NLRP2: variants seen among roughly 807,000 people sequenced by gnomAD.
The protein encoded by NLRP2 is NACHT, LRR and PYD domains-containing protein 2.
Under a neutral mutation model 97.2 loss-of-function variants are expected in NLRP2, and 107 were observed. That is an observed-to-expected ratio of 1.10 (90% confidence interval 0.94 to 1.29). NLRP2 has a LOEUF of 1.29. Ranked by LOEUF, NLRP2 falls within the 50% of genes most tolerant of loss-of-function variation. NLRP2 has a pLI of 0.00. For missense variants in NLRP2, 1,495 were observed against 1,330.3 expected (o/e 1.12, Z -1.93); for synonymous variants, 663 against 551.5 (o/e 1.20, Z -2.83).
At chr19:54,985,613 G>C (rs1052377926) in intron 7 of NLRP2, among the ~76,000 whole-genome samples, 1 of 148,260 alleles carries the variant, frequency 6.7e-6, no homozygotes, top group Non-Finnish European at 1.5e-5. Flanking sequence ...AGGAGGCGGA[G>C]GTTGCAGTGA....
At chr19:54,989,672 C>A in intron 8 of NLRP2, 1 of 394,376 alleles carries the variant, frequency 2.5e-6, no homozygotes, top group Non-Finnish European at 4.8e-6. Context: ...AAGACGATTC[C>A]ACGGTTAGAT....
intron 4 of NLRP2, 100 bp from the exon 5 acceptor site, chr19:54,981,517 T>TCCCCCC: frequency 3.6e-6 from 1 of 274,194 alleles, no homozygotes; most frequent in Non-Finnish European, 7.6e-6. Flanking sequence ...GTGCCCCCCC[T>TCCCCCC]CCCCCCCGCC....
chr19:54,971,340 A>G (rs1006762701), intron 2 of NLRP2, among the ~76,000 whole-genome samples: 1 of 151,790 alleles, frequency 6.6e-6, no homozygotes, highest in Middle Eastern at 3.2e-3. Flanking sequence ...TATACCCAGT[A>G]ATGGGATGGC....
intron 10 of NLRP2, among the ~76,000 whole-genome samples, chr19:54,992,554 T>TTG (rs2072552094): frequency 8.6e-6 from 1 of 115,668 alleles, no homozygotes; most frequent in African/African-American, 3.3e-5. Flanking sequence ...GGGGGGGGTT[T>TTG]TCTTTTTTTT....
intron 3 of NLRP2, chr19:54,976,924 C>T (rs960712941): frequency 7.6e-6 from 3 of 393,042 alleles, no homozygotes; most frequent in Admixed American, 3.3e-5. Flanking sequence ...AAGCAATTCC[C>T]TTGCCTCAGC....
Position 54,983,702 on chromosome 19 carries a change from G to A in NLRP2, c.2004G>A (p.Ala668=), listed in dbSNP as rs61731654. 5.1e-5 allele frequency: 82 copies of A among 1,612,712 alleles called. No individual in the cohort carries two copies. The highest frequency in any genetic ancestry group is 3.5e-4 in the South Asian group (32 of 91,034). Residue 668 remains alanine, a synonymous_variant, in exon 6 of 13, where the codon GCG becomes GCA. Coordinates refer to ENST00000448584, the MANE Select transcript of NLRP2 (RefSeq NM_017852.5). ...AGAATCTCCCGGAGAATGTCACTGC[G>A]TCTGAATCAGACGCCGAGGTTGAGA... The part of the protein sequence containing the change: ...IKENLPENVT[A]SESDAEVERS...
chr19:54,971,895 C>G (rs2070878839), intron 2 of NLRP2, among the ~76,000 whole-genome samples: 1 of 152,020 alleles, frequency 6.6e-6, no homozygotes, highest in Non-Finnish European at 1.5e-5. Flanking sequence ...GCAGCACGAT[C>G]TCGGCTCACT....
At chr19:54,969,032 T>G (rs1433928697) in intron 1 of NLRP2, among the ~76,000 whole-genome samples, 1 of 152,118 alleles carries the variant, frequency 6.6e-6, no homozygotes, top group Non-Finnish European at 1.5e-5. Flanking sequence ...CAGCCCAGTT[T>G]TCACGAAGTT....
intron 10 of NLRP2, 90 bp from the exon 11 acceptor site, chr19:54,994,179 G>C: frequency 5.8e-6 from 8 of 1,368,118 alleles, no homozygotes; most frequent in Non-Finnish European, 8.4e-6. Flanking sequence ...CTCTAAGTGT[G>C]TCTAACCCAC....
rs1266848624 is a variant in NLRP2 at position 54,986,203 on chromosome 19, C to T, written c.2254C>T (p.Arg752Ter). The stretch of plus-strand genomic sequence containing the variant: ...TCATCGGAACCTCTGCCTAGCTCTT[C>T]GAGGTCACAAGACTGTAACGTATCT... ...DAHRNLCLALRGHKTVTYLTL... is the reference protein window; with the variant it reads ...DAHRNLCLAL The change falls in exon 8 of 13, where the codon CGA (arginine) becomes TGA (stop). Residue 752 changes from arginine (R) to a stop codon, truncating the protein, a stop_gained. Coordinates refer to ENST00000448584, the MANE Select transcript of NLRP2 (RefSeq NM_017852.5). LOFTEE classifies it high-confidence loss of function. 7 of 1,612,984 alleles carry T rather than the reference C, an allele frequency of 4.3e-6. No homozygotes were observed. The highest frequency in any genetic ancestry group is 3.3e-5 in the Admixed American group (2 of 59,978).
intron 4 of NLRP2, among the ~76,000 whole-genome samples, chr19:54,980,511 T>C (rs1233883797): frequency 1.3e-5 from 2 of 152,304 alleles, no homozygotes; most frequent in East Asian, 3.9e-4. Context: ...AAGAAATTTA[T>C]GAAGACAATC....
chr19:54,975,101 G>GTTTTTTTTT (rs1190231820), intron 3 of NLRP2, among the ~76,000 whole-genome samples: 8 of 83,084 alleles, frequency 9.6e-5, no homozygotes, highest in East Asian at 3.6e-4. Flanking sequence ...ACCACACCCG[G>GTTTTTTTTT]TTTTGTTTTT....
At position 54,982,602 on chromosome 19, in the gene NLRP2, G is replaced by C. The variant is rs3745904; in HGVS notation, c.904G>C (p.Glu302Gln). The C allele has an allele frequency of 3.8e-4, 618 of 1,614,144 alleles. 1 individual carries two copies. The East Asian group carries it at 9.6e-3, about 25-fold the overall frequency. The change falls in exon 6 of 13, where the codon GAG (glutamate) becomes CAG (glutamine). Residue 302 changes from glutamate to glutamine, a missense_variant. Glu to Gln is a conservative substitution (Grantham distance 29). Transcript: ENST00000448584. ...GGGAGCCGCACCTGGGGCGCTGATC[G>C]AGGACATCTGCGGGGACTGGGAGAA... is the stretch of plus-strand genomic sequence containing the variant. ...ELGAAPGALI[E>Q]DICGDWEKKK...
rs768542757 is a variant in NLRP2 at position 54,994,313 on chromosome 19, C to A, written c.2753C>A (p.Thr918Lys). ...DITSDGCCDL[T>K]KLLQEKSSLL... is the part of the protein sequence containing the mutation. ...ACTAGCGATGGCTGCTGCGATCTCACAAAGCTTCTCCAAGAAAAATCAAGC... is the reference window on the plus strand; with the variant it reads ...ACTAGCGATGGCTGCTGCGATCTCAAAAAGCTTCTCCAAGAAAAATCAAGC... The change falls in exon 11 of 13, where the codon ACA (threonine) becomes AAA (lysine). Residue 918 changes from threonine (T) to lysine (K), a missense_variant. Thr to Lys is a moderately conservative substitution (Grantham distance 78). Transcript: ENST00000448584. The A allele has an allele frequency of 5.0e-6, 8 of 1,614,034 alleles. No homozygotes were observed.
chr19:54,981,080 C>G (rs143755645), intron 4 of NLRP2, among the ~76,000 whole-genome samples: 20,546 of 152,240 alleles, frequency 0.13, 1,833 homozygotes, highest in Admixed American at 0.3. Context: ...CACTGCACTC[C>G]AGCCTGGGCA....
intron 5 of NLRP2, 120 bp from the exon 6 acceptor site, chr19:54,982,042 G>C: frequency 1.3e-5 from 17 of 1,272,736 alleles, no homozygotes; most frequent in Non-Finnish European, 1.8e-5. Flanking sequence ...CCTCCCAAAG[G>C]GCTGGGATTA....
chr19:54,977,108 G>T, intron 3 of NLRP2: 1 of 284,884 alleles, frequency 3.5e-6, no homozygotes, highest in African/African-American at 2.3e-5. Flanking sequence ...CACCATGCCC[G>T]GCTGATTCCA....
chr19:55,000,688 C>G lies in NLRP2; in HGVS notation c.3051-72C>G, dbSNP rs778518064. 2.2e-5 allele frequency: 34 copies of G among 1,525,322 alleles called. No homozygotes were observed. In the Middle Eastern group the frequency reaches 8.5e-4, roughly 38 times the overall value. 94.5% of individuals were successfully genotyped at this position (1,525,322 alleles called of 1,614,324 possible). On this transcript the variant is annotated intron_variant, in intron 12 of 12. Coordinates refer to ENST00000448584, the MANE Select transcript of NLRP2 (RefSeq NM_017852.5). ...GCCCTGTGCCTCCTTAACAGACTTT[C>G]AGGTACTTGGGAATTTGAAACAAAT...
intron 8 of NLRP2, chr19:54,989,758 CAGATCACCTGAGATTGGG>C: frequency 1.8e-6 from 1 of 556,580 alleles, no homozygotes; most frequent in African/African-American, 1.9e-5. Flanking sequence ...CCGAGGTGGG[CAGATCACCTGAGATTGGG>C]AGTTTGAGAC....
Sources: gnomAD v4.1 joint callset for allele counts (sites outside exome capture counted in the v4.1 genomes callset) on GRCh38, gnomAD v4.1.1 for gene constraint, MANE v1.5 for transcripts, NCBI Gene and HGNC (gene_info 2026-07-23, HGNC 2026-07-21) for gene names.